The following FUT8 variants were observed in gnomAD, a reference collection of about 807,000 sequenced individuals.
The protein encoded by FUT8 is fucosyltransferase 8.
Under a neutral mutation model 71.3 loss-of-function variants are expected in FUT8, and 29 were observed. That is an observed-to-expected ratio of 0.41 (90% CI 0.30 to 0.55). The LOEUF (loss-of-function observed/expected upper bound fraction) is 0.55, where lower values mean the gene tolerates loss of function less well. Ranked by LOEUF, FUT8 falls within the 20% of genes least tolerant of loss-of-function variation. The pLI is 0.34. For synonymous variants in FUT8, 254 were observed against 239.3 expected, an observed-to-expected ratio of 1.06 and a Z score of -0.57; for missense variants, 544 against 702.1, an observed-to-expected ratio of 0.77 and a Z score of 2.55.
chr14:65,586,332 T>A (rs1887380280), intron 3 of FUT8, among the ~76,000 whole-genome samples: 1 of 152,208 alleles, frequency 6.6e-6, no homozygotes, highest in Admixed American at 6.5e-5. Flanking sequence ...ATAAAGAAAA[T>A]GTGATCTAGG....
chr14:65,681,176 T>C (rs1893016926), intron 7 of FUT8, among the ~76,000 whole-genome samples: 1 of 152,238 alleles, frequency 6.6e-6, no homozygotes, highest in African/African-American at 2.4e-5. Flanking sequence ...TTATTTTTGT[T>C]TCCTCATTGC....
chr14:65,741,038 CTG>C (rs1301112502), intron 10 of FUT8, among the ~76,000 whole-genome samples: 2 of 152,000 alleles, frequency 1.3e-5, no homozygotes, highest in African/African-American at 2.4e-5. Flanking sequence ...ATTACCATAA[CTG>C]GAGATTTAGG....
chr14:65,742,309 G>A lies in FUT8; in HGVS notation c.1627G>A (p.Val543Ile), dbSNP rs765355405. The change falls in exon 11 of 11, where the codon GTC (valine) becomes ATC (isoleucine). Residue 543 changes from valine to isoleucine, a missense_variant. Val to Ile is a conservative substitution (Grantham distance 29, BLOSUM62 3). Coordinates refer to ENST00000673929, the MANE Select transcript of FUT8 (RefSeq NM_001371533.1). ...TCATTGGGATGGCTATTCTAAAGGT[G>A]TCAACAGGAAATTGGGAAGGACGGG... is the stretch of plus-strand genomic sequence containing the variant. ...GNHWDGYSKGVNRKLGRTGLY... is the reference protein window; with the variant it reads ...GNHWDGYSKGINRKLGRTGLY... The A allele has an allele frequency of 3.1e-6, 5 of 1,612,974 alleles. No individual in the cohort carries two copies. In the South Asian group the frequency reaches 5.5e-5, roughly 18 times the overall value.
At chr14:65,517,428 C>G (rs1882786803) in intron 2 of FUT8, among the ~76,000 whole-genome samples, 1 of 152,062 alleles carries the variant, frequency 6.6e-6, no homozygotes, top group African/African-American at 2.4e-5. Flanking sequence ...AGACACAGAA[C>G]CTGGTAGCAT....
At chr14:65,410,892 C>T (rs1473886964), upstream of FUT8, 3 of 151,816 alleles carry the variant, frequency 2.0e-5, no homozygotes, top group African/African-American at 7.3e-5. Context: ...AGTGATCCTT[C>T]CTGCTTCTTC....
the FUT8 span, among the ~76,000 whole-genome samples, chr14:65,378,343 G>T: frequency 1.3e-5 from 2 of 152,112 alleles, no homozygotes; most frequent in East Asian, 1.9e-4. Flanking sequence ...GGGTAAAAAG[G>T]TTAAGTAGGA....
intron 10 of FUT8, among the ~76,000 whole-genome samples, chr14:65,734,908 T>C (rs1896145945): frequency 6.6e-6 from 1 of 152,148 alleles, no homozygotes; most frequent in African/African-American, 2.4e-5. Context: ...ATTCTGCATG[T>C]AGGATATTTA....
intron 3 of FUT8, among the ~76,000 whole-genome samples, chr14:65,562,538 G>A (rs959986266): frequency 1.3e-5 from 2 of 152,000 alleles, no homozygotes; most frequent in South Asian, 2.1e-4. Flanking sequence ...TTACATAGGC[G>A]ATCTCTGTAT....
chr14:65,464,259 G>GTTTTTT (rs3084724), intron 2 of FUT8, among the ~76,000 whole-genome samples: 1 of 116,538 alleles, frequency 8.6e-6, no homozygotes, highest in Non-Finnish European at 1.7e-5. Flanking sequence ...AGTACTTTGG[G>GTTTTTT]TTTTTTTTTT....
chr14:65,741,255 G>C (rs1896480549), intron 10 of FUT8, among the ~76,000 whole-genome samples: 1 of 151,830 alleles, frequency 6.6e-6, no homozygotes, highest in East Asian at 1.9e-4. Context: ...ATAGTAATCA[G>C]GGTGATGCAT....
intron 2 of FUT8, among the ~76,000 whole-genome samples, chr14:65,553,972 A>G (rs911772341): frequency 1.3e-4 from 19 of 151,778 alleles, no homozygotes; most frequent in African/African-American, 4.4e-4. Flanking sequence ...CCCAGCTAAC[A>G]TCTCTTTAAA....
chr14:65,417,131 G>T (rs1254259371), intron 1 of FUT8, among the ~76,000 whole-genome samples: 1 of 151,764 alleles, frequency 6.6e-6, no homozygotes, highest in Non-Finnish European at 1.5e-5. Context: ...TTGTTTCTAA[G>T]TTTAAAAGAG....
chr14:65,625,453 A>G (rs1233444960), intron 5 of FUT8, among the ~76,000 whole-genome samples: 2 of 152,216 alleles, frequency 1.3e-5, no homozygotes, highest in Admixed American at 1.3e-4. Flanking sequence ...AACTTTGCCT[A>G]GTCTAAAGAC....
In FUT8 at chr14:65,652,713, G is replaced by T. The variant is rs1891469158; in HGVS notation, c.598-16530G>T. On this transcript the variant is annotated intron_variant, in intron 6 of 10. Transcript: ENST00000673929. This position sits in a 1 kb window ranked among gnomAD's most constrained non-coding sequence, Gnocchi z 4.0. ...AAGCCAGGTGCCTGACACAATGGGG[G>T]TCAATATGTATTTATTGGATAAAGG... 6.6e-6 allele frequency among the ~76,000 whole-genome samples: 1 copy of T among 152,078 alleles called. No individual in the cohort carries two copies. The highest frequency in any genetic ancestry group is 1.5e-5 in the Non-Finnish European group (1 of 68,020).
At position 65,489,716 on chromosome 14, in the gene FUT8, A is replaced by G. The variant is rs930520195; in HGVS notation, c.-228+33998A>G. On this transcript the variant is annotated intron_variant, in intron 2 of 10. Coordinates refer to ENST00000673929, the MANE Select transcript of FUT8 (RefSeq NM_001371533.1). The surrounding 1 kb of genome is among the most constrained non-coding windows in gnomAD (Gnocchi z 4.0). ...AGTAAAATGCATCATTAGAAAATGT[A>G]TTTGGAATTACATTAAAAAGGATTC... 6.6e-6 allele frequency among the ~76,000 whole-genome samples: 1 copy of G among 152,126 alleles called. No homozygotes were observed. Among genetic ancestry groups the G allele is most frequent in the Non-Finnish European group, 1.5e-5 (1 of 67,978 alleles).
chr14:65,592,214 C>A (rs1473737415), intron 3 of FUT8, among the ~76,000 whole-genome samples: 2 of 151,892 alleles, frequency 1.3e-5, no homozygotes, highest in Non-Finnish European at 2.9e-5. Context: ...ATAATTGTTC[C>A]TCTGGTGTAA....
At chr14:65,733,979 C>G (rs1023516409) in intron 10 of FUT8, among the ~76,000 whole-genome samples, 1 of 152,112 alleles carries the variant, frequency 6.6e-6, no homozygotes, top group Non-Finnish European at 1.5e-5. Context: ...TTATGAGGGT[C>G]CAGCCAGCTT....
the FUT8 span, among the ~76,000 whole-genome samples, chr14:65,370,597 G>A: frequency 1.3e-5 from 2 of 149,678 alleles, no homozygotes; most frequent in Admixed American, 6.7e-5. Flanking sequence ...ATATATATAA[G>A]TATATGTATA....
chr14:65,569,747 A>C (rs530113022), intron 3 of FUT8, among the ~76,000 whole-genome samples: 7 of 151,858 alleles, frequency 4.6e-5, no homozygotes, highest in Non-Finnish European at 1.0e-4. Flanking sequence ...GCCTCTTTGC[A>C]TGTCTAGTGA....
Sources: allele counts gnomAD v4.1 joint callset (sites outside exome capture counted in the v4.1 genomes callset), GRCh38; gene constraint gnomAD v4.1.1; non-coding constraint Gnocchi (gnomAD v3.1); transcripts MANE v1.5; gene names NCBI Gene and HGNC (gene_info 2026-07-23, HGNC 2026-07-21).